Variants in DNER observed in about 807,000 individuals in gnomAD.
The protein encoded by DNER is delta and Notch-like epidermal growth factor-related receptor.
DNER carries 33 observed loss-of-function variants against 78.2 expected under a neutral mutation model. That is an observed-to-expected ratio of 0.42 (90% CI 0.32 to 0.56). The LOEUF (loss-of-function observed/expected upper bound fraction) is 0.56, where lower values mean the gene tolerates loss of function less well. DNER is among the 20% of genes least tolerant of loss of function. The pLI, the probability that DNER is intolerant of heterozygous loss-of-function variation, is 0.11. For synonymous variants in DNER, 417 were observed against 384.8 expected (o/e 1.08, Z -0.98); for missense variants, 918 against 975.3 (o/e 0.94, Z 0.78).
chr2:229,440,038 C>T (rs1226507023), intron 8 of DNER, among the ~76,000 whole-genome samples: 2 of 152,192 alleles, frequency 1.3e-5, no homozygotes, highest in East Asian at 1.9e-4. Context: ...AGTTCATTAA[C>T]GTTTTCATAC....
chr2:229,491,950 T>C (rs1225611339), intron 6 of DNER, among the ~76,000 whole-genome samples: 1 of 149,684 alleles, frequency 6.7e-6, no homozygotes, highest in African/African-American at 2.5e-5. Context: ...TTGCCATGAT[T>C]ACACACACAC....
chr2:229,585,810 T>C (rs1697484480), intron 4 of DNER, 48 bp downstream of exon 4: 4 of 1,607,498 alleles, frequency 2.5e-6, no homozygotes, highest in Non-Finnish European at 2.5e-6. Context: ...CAAACCAAAG[T>C]TGGGTTGAAT....
intron 11 of DNER, among the ~76,000 whole-genome samples, chr2:229,382,918 C>T (rs1692776728): frequency 6.6e-6 from 1 of 152,106 alleles, no homozygotes; most frequent in Non-Finnish European, 1.5e-5. Flanking sequence ...GAGAACACCA[C>T]AAAGATACTC....
chr2:229,555,525 C>T (rs2154213470), intron 4 of DNER, among the ~76,000 whole-genome samples: 1 of 152,286 alleles, frequency 6.6e-6, no homozygotes, highest in Non-Finnish European at 1.5e-5. Context: ...CCATGTCCAT[C>T]TGTGCTCAGG....
In DNER at chr2:229,710,979, ACGCG is replaced by A. The variant is rs750730916; in HGVS notation, c.276+3165_276+3168del. Among the ~76,000 whole-genome samples the A allele has an allele frequency of 7.8e-3, 749 of 96,564 alleles. 8 individuals carry two copies. Among genetic ancestry groups the A allele is most frequent in the African/African-American group, 0.03 (706 of 23,556 alleles). The allele number at this position is 96,564 out of a possible 152,430, so 63.3% of individuals were successfully genotyped here. A position where few individuals can be genotyped will look rare whatever the true frequency, so the allele number is the denominator to read the frequency against. On this transcript the variant is annotated intron_variant, in intron 1 of 12. Coordinates refer to ENST00000341772, the MANE Select transcript of DNER (RefSeq NM_139072.4). The stretch of plus-strand genomic sequence containing the variant: ...CTGAGACTGAAAATGGCATGCATAC[ACGCG>A]CACACACACACACACACACACACAC...
At chr2:229,410,872 G>A (rs1481572241) in intron 9 of DNER, among the ~76,000 whole-genome samples, 2 of 152,152 alleles carry the variant, frequency 1.3e-5, no homozygotes, top group Non-Finnish European at 2.9e-5. Context: ...GTAAAGAAGT[G>A]TTATTACACT....
chr2:229,689,909 C>T (rs1039844684), intron 1 of DNER, among the ~76,000 whole-genome samples: 6 of 152,184 alleles, frequency 3.9e-5, no homozygotes, highest in African/African-American at 1.4e-4. Flanking sequence ...GCATAACAAC[C>T]TAGCACCCAA....
intron 10 of DNER, among the ~76,000 whole-genome samples, chr2:229,391,991 C>G (rs1436283454): frequency 6.6e-6 from 1 of 152,114 alleles, no homozygotes; most frequent in African/African-American, 2.4e-5. Context: ...CAAAACCATC[C>G]AAAGTCACCG....
intron 1 of DNER, among the ~76,000 whole-genome samples, chr2:229,713,236 C>T (rs1289359982): frequency 6.6e-6 from 1 of 152,224 alleles, no homozygotes; most frequent in Non-Finnish European, 1.5e-5. Context: ...ACAGTCCTAC[C>T]AAATTGCCTA....
At chr2:229,541,682 G>A (rs1696516840) in intron 5 of DNER, among the ~76,000 whole-genome samples, 1 of 151,786 alleles carries the variant, frequency 6.6e-6, no homozygotes, top group Non-Finnish European at 1.5e-5. Flanking sequence ...GAGAACAAAA[G>A]CCTGACCTCC....
intron 11 of DNER, among the ~76,000 whole-genome samples, chr2:229,385,574 C>T (rs541163706): frequency 6.6e-6 from 1 of 152,296 alleles, no homozygotes; most frequent in South Asian, 2.1e-4. Flanking sequence ...TAGAAAGCCC[C>T]ATTGTCTCAG....
intron 2 of DNER, among the ~76,000 whole-genome samples, chr2:229,590,841 G>A (rs866764563): frequency 1.8e-4 from 27 of 152,224 alleles, no homozygotes; most frequent in African/African-American, 6.0e-4. Flanking sequence ...AATGTGGGAT[G>A]TGAGGTCTGG....
At chr2:229,686,152 C>CA (rs1168797500) in intron 1 of DNER, among the ~76,000 whole-genome samples, 2 of 152,054 alleles carry the variant, frequency 1.3e-5, no homozygotes, top group Non-Finnish European at 2.9e-5. Context: ...CATACTTTGC[C>CA]AGGGCCTCTC....
chr2:229,607,145 G>T (rs1412537198), intron 1 of DNER, among the ~76,000 whole-genome samples: 1 of 152,132 alleles, frequency 6.6e-6, no homozygotes, highest in Non-Finnish European at 1.5e-5. Context: ...ATATATTTAT[G>T]CATTTTAAGA....
chr2:229,368,053 A>T (rs1158635188), intron 11 of DNER, among the ~76,000 whole-genome samples: 1 of 152,072 alleles, frequency 6.6e-6, no homozygotes, highest in Non-Finnish European at 1.5e-5. Context: ...TTTTTTTCAG[A>T]TAGTTTTTTA....
chr2:229,654,036 G>A (rs2080485), intron 1 of DNER, among the ~76,000 whole-genome samples: 147,980 of 152,270 alleles, frequency 0.97, 71,962 homozygotes, highest in Middle Eastern at 0.99. Flanking sequence ...TTACATATGT[G>A]TACATGTGCC....
chr2:229,419,446 G>A (rs907198205), intron 8 of DNER, among the ~76,000 whole-genome samples: 1 of 152,126 alleles, frequency 6.6e-6, no homozygotes, highest in Non-Finnish European at 1.5e-5. Flanking sequence ...ATCCAAGTAG[G>A]AATTAGAACT....
At chr2:229,567,330 T>C (rs1187626380) in intron 4 of DNER, among the ~76,000 whole-genome samples, 2 of 152,332 alleles carry the variant, frequency 1.3e-5, no homozygotes, top group East Asian at 3.9e-4. Context: ...TGTTCATTGC[T>C]CTATCACCAG....
Position 229,433,464 on chromosome 2 carries a change from C to T in DNER, c.1486+13852G>A, listed in dbSNP as rs536184038. ...ACACAAAGGAATCCCAAAGTGACAA[C>T]AAATGACGTATTGGAAAAGAAAGGC... On this transcript the variant is annotated intron_variant, in intron 8 of 12. Transcript: ENST00000341772. Among the ~76,000 whole-genome samples, 2 of 152,192 alleles carry T rather than the reference C, an allele frequency of 1.3e-5. 1 individual carries two copies. The highest frequency in any genetic ancestry group is 1.3e-4 in the Admixed American group (2 of 15,296).
Sources: gnomAD v4.1 joint callset for allele counts (sites outside exome capture counted in the v4.1 genomes callset) on GRCh38, gnomAD v4.1.1 for gene constraint, MANE v1.5 for transcripts, NCBI Gene and HGNC (gene_info 2026-07-23, HGNC 2026-07-21) for gene names.